Variants in ADAM10 observed in about 807,000 individuals in gnomAD.
The protein encoded by ADAM10 is disintegrin and metalloproteinase domain-containing protein 10.
In ADAM10, 17 loss-of-function variants were observed where a neutral mutation model predicts 90.1. The observed-to-expected ratio is 0.19, with a 90% confidence interval of 0.13 to 0.28. The LOEUF (loss-of-function observed/expected upper bound fraction) is 0.28. Ranked by LOEUF, ADAM10 falls within the 10% of genes least tolerant of loss-of-function variation. The pLI is 1.00. For missense variants in ADAM10, 610 were observed against 914.3 expected, an observed-to-expected ratio of 0.67 and a Z score of 4.29; for synonymous variants, 310 against 298.6, an observed-to-expected ratio of 1.04 and a Z score of -0.40.
chr15:58,643,577 A>G (rs1896469876), intron 7 of ADAM10, among the ~76,000 whole-genome samples: 1 of 152,234 alleles, frequency 6.6e-6, no homozygotes, highest in African/African-American at 2.4e-5. Flanking sequence ...GTCAAGCACT[A>G]TAGCCATAGT....
At position 58,592,346 on chromosome 15, in the gene ADAM10, T is replaced by C. The variant is rs1157436995; in HGVS notation, c.*5201A>G. The C allele has an allele frequency of 6.6e-6, 1 of 152,246 alleles. No homozygotes were observed. Among genetic ancestry groups the C allele is most frequent in the African/African-American group, 2.4e-5 (1 of 41,462 alleles). 9.4% of individuals were successfully genotyped at this position (152,246 alleles called of 1,614,324 possible). ...TAAAAGCGTATCCCAAAGGTAACTA[T>C]AATTCTGTCCACTACCATCATTAAC... On this transcript the variant is annotated 3_prime_UTR_variant, in exon 16 of 16. Coordinates refer to ENST00000260408, the MANE Select transcript of ADAM10 (RefSeq NM_001110.4).
intron 1 of ADAM10, among the ~76,000 whole-genome samples, chr15:58,739,165 T>TGG (rs1899522231): frequency 6.6e-6 from 1 of 152,194 alleles, no homozygotes; most frequent in South Asian, 2.1e-4. Flanking sequence ...TTTCTGCTAC[T>TGG]GGATGGATAC....
chr15:58,715,664 C>T (rs1898634980), intron 2 of ADAM10, among the ~76,000 whole-genome samples: 1 of 152,148 alleles, frequency 6.6e-6, no homozygotes, highest in African/African-American at 2.4e-5. Context: ...AGTAACTTTT[C>T]ACTAGCAGTC....
intron 11 of ADAM10, among the ~76,000 whole-genome samples, chr15:58,618,821 A>AATGACCATT (rs1291930712): frequency 6.6e-6 from 1 of 152,168 alleles, no homozygotes; most frequent in Non-Finnish European, 1.5e-5. Flanking sequence ...ACCCAGTAAA[A>AATGACCATT]ATGACCATTA....
At chr15:58,685,385 CG>C (rs1897561867) in intron 2 of ADAM10, among the ~76,000 whole-genome samples, 1 of 150,642 alleles carries the variant, frequency 6.6e-6, no homozygotes, top group Non-Finnish European at 1.5e-5. Context: ...GGCGTGAACC[CG>C]GGGGAGGCAG....
chr15:58,606,045 G>C (rs1895263525), intron 14 of ADAM10, among the ~76,000 whole-genome samples: 1 of 152,120 alleles, frequency 6.6e-6, no homozygotes, highest in South Asian at 2.1e-4. Flanking sequence ...AAGACCTCCA[G>C]AAAGTCAACC....
Position 58,591,348 on chromosome 15 carries a change from T to C in ADAM10, c.*6199A>G, listed in dbSNP as rs1894821260. 1 of 152,244 alleles carries C rather than the reference T, an allele frequency of 6.6e-6. No individual in the cohort carries two copies. The highest frequency in any genetic ancestry group is 2.4e-5 in the African/African-American group (1 of 41,462). 9.4% of individuals were successfully genotyped at this position (152,244 alleles called of 1,614,324 possible). A position where few individuals can be genotyped will look rare whatever the true frequency, so the allele number is the denominator to read the frequency against. On this transcript the variant is annotated 3_prime_UTR_variant, in exon 16 of 16. Transcript: ENST00000260408. ...CAATCATTATGAAAATCATTATGAA[T>C]ACAGGTCATTATCATGAATTACTGC... is the stretch of plus-strand genomic sequence containing the variant.
Position 58,634,312 on chromosome 15 carries a change from AAAG to A in ADAM10, c.1013-956_1013-954del, listed in dbSNP as rs201367623. On this transcript the variant is annotated intron_variant, in intron 8 of 15. Coordinates refer to ENST00000260408, the MANE Select transcript of ADAM10 (RefSeq NM_001110.4). ...GTGACACTCTGTCTAAAAAAAAAAA[AAAG>A]AAGAAGAATTTCACCATACTATTCT... 8.3e-3 allele frequency among the ~76,000 whole-genome samples: 1,259 copies of A among 152,112 alleles called. 12 individuals carry two copies. The highest frequency in any genetic ancestry group is 0.028 in the African/African-American group (1,158 of 41,434).
rs538187232 is a variant in ADAM10 at position 58,625,104 on chromosome 15, G to C, written c.1360+2596C>G. ...AAGATTGAAGATGTAATTTCAATCT[G>C]CCCTTTTAAAAGAAAAAGATAATGC... On this transcript the variant is annotated intron_variant, in intron 10 of 15. Transcript: ENST00000260408. Among the ~76,000 whole-genome samples, 3 of 152,194 alleles carry C rather than the reference G, an allele frequency of 2.0e-5. No individual in the cohort carries two copies. The East Asian group carries it at 5.8e-4, about 29-fold the overall frequency.
At chr15:58,731,804 C>G (rs1899255131) in intron 1 of ADAM10, among the ~76,000 whole-genome samples, 1 of 152,096 alleles carries the variant, frequency 6.6e-6, no homozygotes, top group Non-Finnish European at 1.5e-5. Context: ...ATTCCTAAGG[C>G]AGGTCAGAAA....
Position 58,647,246 on chromosome 15 carries a change from G to GTTTTTTTTTTTTTTTTTTTTTTTTTTTTT in ADAM10, c.586-1043_586-1042insAAAAAAAAAAAAAAAAAAAAAAAAAAAAA, listed in dbSNP as rs1323960397. ...CTTGGCAGCAAAGAGTAGACACTAA[G>GTTTTTTTTTTTTTTTTTTTTTTTTTTTTT]TATTTTTTTTTTTTTTTTTTTTTTT... is the stretch of plus-strand genomic sequence containing the variant. On this transcript the variant is annotated intron_variant, in intron 5 of 15. Coordinates refer to ENST00000260408, the MANE Select transcript of ADAM10 (RefSeq NM_001110.4). Among the ~76,000 whole-genome samples the GTTTTTTTTTTTTTTTTTTTTTTTTTTTTT allele has an allele frequency of 1.4e-4, 5 of 36,828 alleles. 1 individual carries two copies. Among genetic ancestry groups the GTTTTTTTTTTTTTTTTTTTTTTTTTTTTT allele is most frequent in the Admixed American group, 5.7e-4 (2 of 3,490 alleles). The allele number at this position is 36,828 out of a possible 152,430, so 24.2% of individuals were successfully genotyped here.
intron 5 of ADAM10, among the ~76,000 whole-genome samples, chr15:58,661,151 C>G (rs1896955596): frequency 6.6e-6 from 1 of 152,190 alleles, no homozygotes; most frequent in African/African-American, 2.4e-5. Context: ...ATTACAAAAT[C>G]CATTATACCT....
At chr15:58,597,738 C>T in intron 15 of ADAM10, 97 bp from the exon 16 acceptor site, 2 of 1,345,130 alleles carry the variant, frequency 1.5e-6, no homozygotes, top group East Asian at 2.5e-5. Context: ...GGTTTTAGTT[C>T]AGTGCTGTCC....
At chr15:58,612,946 C>T (rs908114706) in intron 11 of ADAM10, among the ~76,000 whole-genome samples, 6 of 152,208 alleles carry the variant, frequency 3.9e-5, no homozygotes, top group African/African-American at 7.2e-5. Flanking sequence ...GCCTAGAACT[C>T]CAGCCCCACA....
chr15:58,693,203 A>T, intron 2 of ADAM10: 1 of 680,978 alleles, frequency 1.5e-6, no homozygotes, highest in Middle Eastern at 2.8e-4. Context: ...GGCATCTTGA[A>T]AGGAAAAGGC....
In ADAM10 at chr15:58,719,796, T is replaced by C. The variant is rs78050185; in HGVS notation, c.56-2069A>G. ...TTGTTTCCCAGATCGAATAGAAAAC[T>C]ACTCAGGTTCAGTCTCCTGTCCATA... On this transcript the variant is annotated intron_variant, in intron 1 of 15. Coordinates refer to ENST00000260408, the MANE Select transcript of ADAM10 (RefSeq NM_001110.4). Among the ~76,000 whole-genome samples the C allele has an allele frequency of 1.0e-2, 1,517 of 152,336 alleles. 38 individuals carry two copies. Among genetic ancestry groups the C allele is most frequent in the African/African-American group, 0.034 (1,401 of 41,568 alleles).
At chr15:58,701,124 T>C (rs1275285027) in intron 2 of ADAM10, among the ~76,000 whole-genome samples, 1 of 145,068 alleles carries the variant, frequency 6.9e-6, no homozygotes, top group Non-Finnish European at 1.5e-5. Context: ...ATAAAATCAA[T>C]GACCACTTGC....
At chr15:58,701,606 A>G (rs2140791003) in intron 2 of ADAM10, among the ~76,000 whole-genome samples, 1 of 152,318 alleles carries the variant, frequency 6.6e-6, no homozygotes, top group Non-Finnish European at 1.5e-5. Context: ...AAATAGAATT[A>G]CCACATGATC....
chr15:58,691,559 A>AG (rs1566997302), intron 2 of ADAM10: 2 of 524,994 alleles, frequency 3.8e-6, no homozygotes, highest in Non-Finnish European at 7.5e-6. Flanking sequence ...GTCGCCAGTT[A>AG]ATAGAGTCCT....
Sources: gnomAD v4.1 joint callset for allele counts (sites outside exome capture counted in the v4.1 genomes callset) on GRCh38, gnomAD v4.1.1 for gene constraint, MANE v1.5 for transcripts, NCBI Gene and HGNC (gene_info 2026-07-23, HGNC 2026-07-21) for gene names.